PLPP5: variants seen among roughly 807,000 people sequenced by gnomAD.
PLPP5 encodes diacylglycerol pyrophosphate like 1.
A neutral mutation model predicts 23.6 loss-of-function variants in PLPP5; 29 were observed. The observed-to-expected ratio is 1.23, with a 90% confidence interval of 0.92 to 1.68. The LOEUF is 1.68. Ranked by LOEUF, PLPP5 falls within the 40% of genes most tolerant of loss-of-function variation. The pLI is 0.00. For synonymous variants in PLPP5, 143 were observed against 131.3 expected, an observed-to-expected ratio of 1.09 and a Z score of -0.61; for missense variants, 315 against 332.1, an observed-to-expected ratio of 0.95 and a Z score of 0.40.
chr8:38,268,347 C>A, intron 3 of PLPP5, 24 bp downstream of exon 3: 2 of 1,548,314 alleles, frequency 1.3e-6, no homozygotes, highest in Non-Finnish European at 8.7e-7. Context: ...ACGAAGAAAC[C>A]GGCCCGAAAG....
At chr8:38,268,333 C>T in intron 3 of PLPP5, 38 bp downstream of exon 3, 1 of 1,527,306 alleles carries the variant, frequency 6.5e-7, no homozygotes, top group Non-Finnish European at 8.9e-7. Context: ...CCTAGGTTCC[C>T]AGCACGAAGA....
In PLPP5 at chr8:38,265,264, CA is replaced by C. The variant is rs1228103198; in HGVS notation, c.635-661del. The stretch of plus-strand genomic sequence containing the variant: ...CTGGGCGCAGAGCTAGACTCTGTCT[CA>C]AAAAAAAAAAAAAAAAAAAGAGTTG... On this transcript the variant is annotated intron_variant, in intron 6 of 6. Coordinates refer to ENST00000424479, the MANE Select transcript of PLPP5 (RefSeq NM_001102559.2). 9.9e-3 allele frequency among the ~76,000 whole-genome samples: 700 copies of C among 71,016 alleles called. 1 individual carries two copies. The highest frequency in any genetic ancestry group is 0.02 in the Middle Eastern group (3 of 150). 46.6% of individuals were successfully genotyped at this position (71,016 alleles called of 152,430 possible).
intron 6 of PLPP5, chr8:38,265,002 C>T (rs1441809654): frequency 4.8e-6 from 6 of 1,259,890 alleles, no homozygotes; most frequent in Non-Finnish European, 7.0e-6. Flanking sequence ...GGCACGGTGA[C>T]TCACGCCTGT....
chr8:38,268,056 A>G (rs776161197), intron 3 of PLPP5, 96 bp from the exon 4 acceptor site: 38 of 1,588,526 alleles, frequency 2.4e-5, no homozygotes, highest in Non-Finnish European at 3.3e-5. Context: ...TCTGAGATGG[A>G]TAGAATCCAA....
intron 2 of PLPP5, 156 bp from the exon 3 acceptor site, chr8:38,268,617 G>A: frequency 6.9e-7 from 1 of 1,442,656 alleles, no homozygotes; most frequent in Non-Finnish European, 9.1e-7. Context: ...CCAGTGAACA[G>A]CAGCGCCCGT....
chr8:38,266,879 A>C (rs1391031781), intron 5 of PLPP5: 1 of 283,924 alleles, frequency 3.5e-6, no homozygotes, highest in Non-Finnish European at 6.0e-6. Context: ...CTCATCTATA[A>C]ATGGGACTCA....
chr8:38,264,384 C>T lies in PLPP5; in HGVS notation c.*60G>A, dbSNP rs940968234. On this transcript the variant is annotated 3_prime_UTR_variant, in exon 7 of 7. Coordinates refer to ENST00000424479, the MANE Select transcript of PLPP5 (RefSeq NM_001102559.2). ...CTGACCTCAGGTGATCCACCCTCCT[C>T]AGCCTCCCAAAGTGTTGGGATTACA... 1.5e-6 allele frequency: 2 copies of T among 1,357,238 alleles called. No homozygotes were observed. Among genetic ancestry groups the T allele is most frequent in the African/African-American group, 1.5e-5 (1 of 68,494 alleles). The allele number at this position is 1,357,238 out of a possible 1,614,324, so 84.1% of individuals were successfully genotyped here.
intron 6 of PLPP5, 123 bp from the exon 7 acceptor site, chr8:38,264,727 C>A: frequency 2.1e-6 from 3 of 1,440,520 alleles, no homozygotes; most frequent in Non-Finnish European, 2.7e-6. Flanking sequence ...AACCTCAATT[C>A]CAGACTTATG....
chr8:38,268,883 A>G lies in PLPP5; in HGVS notation c.182T>C (p.Phe61Ser). 4 of 1,552,814 alleles carry G rather than the reference A, an allele frequency of 2.6e-6. No individual in the cohort carries two copies. The highest frequency in any genetic ancestry group is 1.7e-4 in the Middle Eastern group (1 of 5,816). Residue 61 changes from phenylalanine to serine, a missense_variant and splice_region_variant, in exon 2 of 7, where the codon TTT becomes TCT. By Grantham distance (155) the Phe-to-Ser change is radical (BLOSUM62 -2). Coordinates refer to ENST00000424479, the MANE Select transcript of PLPP5 (RefSeq NM_001102559.2). ...EAEYFPTKPM[F>S]VIAFLSPLSL... is the part of the protein sequence containing the mutation. ...GAAAGACGATCTTTCTCCACGCACAAACATCGGCTTGGTGGGGAAATACTC... is the reference window on the plus strand; with the variant it reads ...GAAAGACGATCTTTCTCCACGCACAGACATCGGCTTGGTGGGGAAATACTC...
intron 6 of PLPP5, 39 bp from the exon 7 acceptor site, chr8:38,264,643 G>T: frequency 6.5e-7 from 1 of 1,543,850 alleles, no homozygotes; most frequent in East Asian, 2.3e-5. Context: ...TTAATATTAG[G>T]CTCCTAAATC....
intron 6 of PLPP5, chr8:38,264,949 C>T (rs951861469): frequency 8.7e-6 from 14 of 1,602,932 alleles, no homozygotes; most frequent in Non-Finnish European, 1.2e-5. Flanking sequence ...TTTAAAGGGT[C>T]CTAGAGGAAG....
At chr8:38,264,876 T>G in intron 6 of PLPP5, 1 of 1,610,798 alleles carries the variant, frequency 6.2e-7, no homozygotes, top group Non-Finnish European at 8.5e-7. Context: ...TAAATTAGAA[T>G]TTTTCTAACT....
At chr8:38,267,696 G>T in intron 4 of PLPP5, 1 of 649,698 alleles carries the variant, frequency 1.5e-6, no homozygotes, top group Non-Finnish European at 2.6e-6. Flanking sequence ...GGGAAATGCT[G>T]TTCAGGCAGA....
chr8:38,267,214 A>AAAT, intron 5 of PLPP5, 53 bp downstream of exon 5: 1 of 1,613,670 alleles, frequency 6.2e-7, no homozygotes, highest in Non-Finnish European at 8.5e-7. Context: ...TTTCTAGGTT[A>AAAT]AATTCAATGA....
intron 6 of PLPP5, chr8:38,265,189 C>T: frequency 2.2e-6 from 1 of 445,346 alleles, no homozygotes; most frequent in Non-Finnish European, 4.0e-6. Context: ...TTGCTTGAAC[C>T]CAGGAGGTGG....
Position 38,268,517 on chromosome 8 carries a change from C to T in PLPP5, c.184-56G>A. The T allele has an allele frequency of 1.9e-6, 3 of 1,542,740 alleles. No individual in the cohort carries two copies. The South Asian group carries it at 3.6e-5, about 18-fold the overall frequency. On this transcript the variant is annotated intron_variant, in intron 2 of 6. Transcript: ENST00000424479. Reference sequence around the variant, plus strand: ...TCCAAAAAAAAGCCACACTCGTGCTCCTACAGGAAAGAGGGATGTGACACA... The same window carrying T: ...TCCAAAAAAAAGCCACACTCGTGCTTCTACAGGAAAGAGGGATGTGACACA...
At chr8:38,264,945 G>A in intron 6 of PLPP5, 1 of 1,604,556 alleles carries the variant, frequency 6.2e-7, no homozygotes, top group Non-Finnish European at 8.5e-7. Flanking sequence ...ACCATTTAAA[G>A]GGTCCTAGAG....
At position 38,266,368 on chromosome 8, in the gene PLPP5, T is replaced by C. The variant is rs1367698360; in HGVS notation, c.464-57A>G. Reference sequence around the variant, plus strand: ...CTTTTAAAGGAAGCTACCTCATTCATCCCCACATAGGAGGCTAGGAAGCAT... The same window carrying C: ...CTTTTAAAGGAAGCTACCTCATTCACCCCCACATAGGAGGCTAGGAAGCAT... On this transcript the variant is annotated intron_variant, in intron 5 of 6. Transcript: ENST00000424479. 2.7e-6 allele frequency: 4 copies of C among 1,469,410 alleles called. No individual in the cohort carries two copies. The Admixed American group carries it at 7.7e-5, about 28-fold the overall frequency. The allele number at this position is 1,469,410 out of a possible 1,614,324, so 91.0% of individuals were successfully genotyped here.
chr8:38,267,321 C>A lies in PLPP5; in HGVS notation c.409G>T (p.Asp137Tyr), dbSNP rs7845496. 33 of 1,613,904 alleles carry A rather than the reference C, an allele frequency of 2.0e-5. No individual in the cohort carries two copies. In the African/African-American group the frequency reaches 4.1e-4, roughly 20 times the overall value. The change falls in exon 5 of 7, where the codon GAT (aspartate) becomes TAT (tyrosine). Residue 137 changes from aspartate to tyrosine, a missense_variant. Asp to Tyr is a radical substitution (Grantham distance 160). Transcript: ENST00000424479. ...CGGCCCTCATTCACCACGTCCTTAT[C>A]CCCTGTACACATCAAGTCAGAATGG... ...LAHSDLMCTG[D>Y]KDVVNEGRKS...
Sources: gnomAD v4.1 joint callset for allele counts (sites outside exome capture counted in the v4.1 genomes callset) on GRCh38, gnomAD v4.1.1 for gene constraint, MANE v1.5 for transcripts, NCBI Gene and HGNC (gene_info 2026-07-23, HGNC 2026-07-21) for gene names.